PTPN14: variants seen among roughly 807,000 people sequenced by gnomAD.
PTPN14 encodes protein tyrosine phosphatase non-receptor type 14.
In PTPN14, 53 loss-of-function variants were observed where a neutral mutation model predicts 126.8. The ratio of observed to expected loss-of-function variants is 0.42; its 90% CI spans 0.34 to 0.53. The LOEUF is 0.53. Among genes scored for constraint, PTPN14 ranks in the 20% least tolerant of loss-of-function variants. PTPN14 has a pLI of 0.08. For synonymous variants in PTPN14, 630 were observed against 599.3 expected, an observed-to-expected ratio of 1.05 and a Z score of -0.75; for missense variants, 1,257 against 1,552.9, an observed-to-expected ratio of 0.81 and a Z score of 3.20.
chr1:214,517,485 A>G (rs12119039), intron 1 of PTPN14, among the ~76,000 whole-genome samples: 2,122 of 134,644 alleles, frequency 0.016, 16 homozygotes, highest in South Asian at 0.037. Flanking sequence ...TGAGCATAAT[A>G]TTAAAAAAAA....
chr1:214,492,901 GA>G (rs966703560), intron 1 of PTPN14, among the ~76,000 whole-genome samples: 4,029 of 84,784 alleles, frequency 0.048, 69 homozygotes, highest in Middle Eastern at 0.081. Flanking sequence ...CTGTCTCAAA[GA>G]AAAAAAAAAA....
chr1:214,510,458 G>A (rs951455451), intron 1 of PTPN14, among the ~76,000 whole-genome samples: 1 of 152,200 alleles, frequency 6.6e-6, no homozygotes, highest in African/African-American at 2.4e-5. Context: ...CAATAAAATG[G>A]TGTATGCCTG....
In PTPN14 at chr1:214,461,585, G is replaced by A. The variant is rs577740257; in HGVS notation, c.174+3045C>T. On this transcript the variant is annotated intron_variant, in intron 2 of 18. Transcript: ENST00000366956. The stretch of plus-strand genomic sequence containing the variant: ...GTTGAGGCTGTAGTGAGTCATGATC[G>A]TACCAGTGCACTCCAGTCTGGGCAA... Among the ~76,000 whole-genome samples, 433 of 151,306 alleles carry A rather than the reference G, an allele frequency of 2.9e-3. 1 individual carries two copies. The highest frequency in any genetic ancestry group is 9.9e-3 in the African/African-American group (406 of 41,136).
chr1:214,472,970 C>T (rs1032956752), intron 1 of PTPN14, among the ~76,000 whole-genome samples: 1 of 152,216 alleles, frequency 6.6e-6, no homozygotes, highest in African/African-American at 2.4e-5. Flanking sequence ...AACATCACAT[C>T]TTAAAGGTCT....
chr1:214,369,436 A>C (rs1216570242), intron 17 of PTPN14, 21 bp downstream of exon 17: 1 of 1,600,368 alleles, frequency 6.2e-7, no homozygotes, highest in Non-Finnish European at 8.6e-7. Flanking sequence ...CAGGTAGCAG[A>C]CTGGGAAGAA....
chr1:214,452,313 T>C (rs1660290166), intron 2 of PTPN14, among the ~76,000 whole-genome samples: 1 of 152,236 alleles, frequency 6.6e-6, no homozygotes, highest in African/African-American at 2.4e-5. Context: ...GTGTGCCTTC[T>C]GCATGCTTCA....
At chr1:214,520,047 C>CAA (rs1183768381) in intron 1 of PTPN14, among the ~76,000 whole-genome samples, 52 of 80,742 alleles carry the variant, frequency 6.4e-4, no homozygotes, top group East Asian at 3.0e-3. Context: ...AACCCTGTCT[C>CAA]AAAAAAAAAA....
chr1:214,449,183 T>A (rs941233486), intron 3 of PTPN14, among the ~76,000 whole-genome samples: 2 of 151,064 alleles, frequency 1.3e-5, no homozygotes, highest in African/African-American at 4.9e-5. Context: ...ATTTTTTGTA[T>A]TTTTAGTAGA....
At chr1:214,464,006 A>G (rs947184562) in intron 2 of PTPN14, among the ~76,000 whole-genome samples, 8 of 152,212 alleles carry the variant, frequency 5.3e-5, no homozygotes, top group Non-Finnish European at 7.3e-5. Flanking sequence ...GAGTGATAGC[A>G]TGACTTTCTA....
intron 3 of PTPN14, among the ~76,000 whole-genome samples, chr1:214,426,739 C>G (rs1023010587): frequency 6.6e-6 from 1 of 152,160 alleles, no homozygotes; most frequent in African/African-American, 2.4e-5. Context: ...GAACTTAAAA[C>G]TCTCTCATTA....
intron 1 of PTPN14, among the ~76,000 whole-genome samples, chr1:214,527,944 T>G (rs1655441884): frequency 6.6e-6 from 1 of 152,162 alleles, no homozygotes; most frequent in Admixed American, 6.5e-5. Flanking sequence ...GATAAGCACT[T>G]CTCTCGACAG....
chr1:214,415,671 G>A (rs1165458538), intron 3 of PTPN14, among the ~76,000 whole-genome samples: 7 of 152,106 alleles, frequency 4.6e-5, no homozygotes, highest in Admixed American at 4.6e-4. Flanking sequence ...AATTACTGCT[G>A]GCTCTACCAT....
chr1:214,541,677 G>T (rs931470731), intron 1 of PTPN14, among the ~76,000 whole-genome samples: 1 of 152,068 alleles, frequency 6.6e-6, no homozygotes, highest in Non-Finnish European at 1.5e-5. Context: ...CTACCCAAAA[G>T]CCCATCAGAA....
intron 1 of PTPN14, among the ~76,000 whole-genome samples, chr1:214,493,525 C>CA (rs991249584): frequency 5.3e-5 from 8 of 151,532 alleles, no homozygotes; most frequent in African/African-American, 1.7e-4. Flanking sequence ...TATGTACCCA[C>CA]AAAAATTAAA....
intron 1 of PTPN14, chr1:214,529,566 A>G (rs1414613194): frequency 3.9e-5 from 6 of 152,188 alleles, no homozygotes; most frequent in Admixed American, 3.9e-4. Context: ...CTCCTTATAA[A>G]CAACCTCTAA....
chr1:214,409,168 T>C (rs933423450), intron 5 of PTPN14, among the ~76,000 whole-genome samples: 6 of 152,226 alleles, frequency 3.9e-5, no homozygotes, highest in African/African-American at 1.2e-4. Flanking sequence ...GATAGTCACC[T>C]TGCTGTGCAG....
chr1:214,547,752 T>A (rs1656007708), intron 1 of PTPN14, among the ~76,000 whole-genome samples: 1 of 152,186 alleles, frequency 6.6e-6, no homozygotes, highest in Non-Finnish European at 1.5e-5. Flanking sequence ...GTAAGAAGTA[T>A]ACAAGGAAAA....
chr1:214,470,573 A>T (rs1660731540), intron 1 of PTPN14, among the ~76,000 whole-genome samples: 1 of 152,064 alleles, frequency 6.6e-6, no homozygotes, highest in South Asian at 2.1e-4. Context: ...ACTTGAGATC[A>T]GGAGTTCAGG....
intron 3 of PTPN14, among the ~76,000 whole-genome samples, chr1:214,435,933 C>T (rs1659903890): frequency 6.6e-6 from 1 of 152,146 alleles, no homozygotes; most frequent in South Asian, 2.1e-4. Flanking sequence ...ATTATAAAGA[C>T]ACATGCACAT....
Sources: gnomAD v4.1 joint callset for allele counts (sites outside exome capture counted in the v4.1 genomes callset) on GRCh38, gnomAD v4.1.1 for gene constraint, MANE v1.5 for transcripts, NCBI Gene and HGNC (gene_info 2026-07-23, HGNC 2026-07-21) for gene names.